Variants in ARSL observed in about 807,000 individuals in gnomAD.
ARSL encodes the protein arylsulfatase E (chondrodysplasia punctata 1).
A neutral mutation model predicts 31.1 loss-of-function variants in ARSL; 4 were observed. The observed-to-expected ratio is 0.13, with a 90% CI of 0.06 to 0.29. The LOEUF (loss-of-function observed/expected upper bound fraction) is 0.29. Ranked by LOEUF, ARSL falls within the 10% of genes least tolerant of loss-of-function variation. ARSL has a pLI of 1.00. For synonymous variants in ARSL, 198 were observed against 209.9 expected (o/e 0.94, Z 0.49); for missense variants, 312 against 497.8 (o/e 0.63, Z 3.55).
chrX:2,935,707 T>A (rs186416272), intron 10 of ARSL, among the ~76,000 whole-genome samples: 5,622 of 83,122 alleles, frequency 0.068, 482 homozygotes, highest in African/African-American at 0.2. Flanking sequence ...TTTTTTTTTT[T>A]ATTTGAGACA....
chrX:2,947,058 C>T lies in ARSL; in HGVS notation c.855-924G>A, dbSNP rs376994768. Among the ~76,000 whole-genome samples the T allele has an allele frequency of 2.0e-4, 22 of 110,444 alleles. 2 individuals are homozygous for T. In the South Asian group the frequency reaches 3.6e-3, roughly 18 times the overall value. On this transcript the variant is annotated intron_variant, in intron 6 of 10. Coordinates refer to ENST00000381134, the MANE Select transcript of ARSL (RefSeq NM_000047.3). ...AATTAGCGGGATGTGGTGACATGCA[C>T]CTGTACTCCCAACTGCTCAGGAGGG...
chrX:2,960,494 A>G (rs2089610926), intron 1 of ARSL, 74 bp from the exon 2 acceptor site: 2 of 1,032,931 alleles, frequency 1.9e-6, no homozygotes, highest in Non-Finnish European at 2.7e-6. Flanking sequence ...ACAGTAAGTA[A>G]GTAATTAGGG....
chrX:2,960,232 G>A (rs1475837540), intron 2 of ARSL, 146 bp downstream of exon 2: 7 of 257,531 alleles, frequency 2.7e-5, no homozygotes, highest in East Asian at 1.7e-4. Flanking sequence ...TCGCGCCACT[G>A]CACTCCAGCC....
intron 8 of ARSL, 129 bp downstream of exon 8, chrX:2,942,936 T>G: frequency 1.0e-6 from 1 of 963,608 alleles, no homozygotes; most frequent in Admixed American, 2.3e-5. Flanking sequence ...TTACCACTTT[T>G]GCCCTGGATA....
At position 2,959,995 on chromosome X, in the gene ARSL, C is replaced by T. The variant is rs1195231203; in HGVS notation, c.23+383G>A. On this transcript the variant is annotated intron_variant, in intron 2 of 10. Transcript: ENST00000381134. ...AAAGAAAGAAAGAAAAGAGGCCGGG[C>T]GCGGTGGCTCACGCCTGTAATCCCA... is the stretch of plus-strand genomic sequence containing the variant. 19 of 220,677 alleles carry T rather than the reference C, an allele frequency of 8.6e-5. 1 individual carries two copies. The highest frequency in any genetic ancestry group is 6.0e-4 in the South Asian group (3 of 4,978). 18.2% of individuals were successfully genotyped at this position (220,677 alleles called of 1,213,427 possible). A position where few individuals can be genotyped will look rare whatever the true frequency, so the allele number is the denominator to read the frequency against.
chrX:2,967,566 G>A (rs1247927260), upstream of ARSL, among the ~76,000 whole-genome samples: 2 of 111,412 alleles, frequency 1.8e-5, no homozygotes, highest in Non-Finnish European at 3.8e-5. Flanking sequence ...GGACAACACG[G>A]CAAGATCCTG....
rs985979645 is a variant in ARSL at position 2,942,060 on chromosome X, T to C, written c.1126+1005A>G. 1.1e-4 allele frequency among the ~76,000 whole-genome samples: 12 copies of C among 111,887 alleles called. No homozygotes were observed. In the East Asian group the frequency reaches 2.3e-3, roughly 21 times the overall value. ...AAAGCTGAAACAACCAGCGCCTGTA[T>C]ACAAAGGCCGGGATGTCACAAAAGC... On this transcript the variant is annotated intron_variant, in intron 8 of 10. Transcript: ENST00000381134.
At chrX:2,960,201 G>C (rs1479725606) in intron 2 of ARSL, among the ~76,000 whole-genome samples, 177 bp downstream of exon 2, 1 of 76,972 alleles carries the variant, frequency 1.3e-5, no homozygotes, top group Non-Finnish European at 2.7e-5. Context: ...CCCGGGAGGC[G>C]GAGCTTGCAG....
At chrX:2,960,855 G>A (rs930040773) in intron 1 of ARSL, among the ~76,000 whole-genome samples, 9 of 111,439 alleles carry the variant, frequency 8.1e-5, no homozygotes, top group Non-Finnish European at 1.7e-4. Context: ...GATTTGGAAG[G>A]GGGAAGCGGG....
chrX:2,951,614 C>CAAAAAAAAAAAAA (rs1164575386), intron 5 of ARSL, among the ~76,000 whole-genome samples: 3 of 28,894 alleles, frequency 1.0e-4, no homozygotes, highest in Non-Finnish European at 1.6e-4. Flanking sequence ...CCCATCTCTA[C>CAAAAAAAAAAAAA]AAAAAAAAAA....
rs2302079 is a variant in ARSL, at chrX:2,958,461, G to A, written c.24-26C>T. The A allele has an allele frequency of 7.9e-3, 9,570 of 1,208,607 alleles. 102 individuals carry two copies. Among genetic ancestry groups the A allele is most frequent in the African/African-American group, 0.054 (3,098 of 57,304 alleles). ...CTGTCAGAGACTGCGTCATGCTCCT[G>A]TCCATCTCATTTGCAGAACTTGTGT... On this transcript the variant is annotated intron_variant, in intron 2 of 10. Coordinates refer to ENST00000381134, the MANE Select transcript of ARSL (RefSeq NM_000047.3).
intron 2 of ARSL, among the ~76,000 whole-genome samples, chrX:2,960,174 C>A (rs2089596215): frequency 1.3e-5 from 1 of 77,215 alleles, no homozygotes; most frequent in Admixed American, 1.5e-4. Flanking sequence ...GAGGCTGAGG[C>A]AGGAGAATGG....
intron 2 of ARSL, chrX:2,959,601 A>G: frequency 3.5e-6 from 4 of 1,149,076 alleles, no homozygotes; most frequent in East Asian, 6.5e-5. Context: ...GTTGATGCCC[A>G]CCTGATTTGC....
rs568383903 is a variant in ARSL, at chrX:2,942,436, C to T, written c.1126+629G>A. On this transcript the variant is annotated intron_variant, in intron 8 of 10. Coordinates refer to ENST00000381134, the MANE Select transcript of ARSL (RefSeq NM_000047.3). The stretch of plus-strand genomic sequence containing the variant: ...CCTCCTGAGTAGCTGGGACTACAGG[C>T]GTGTGCCACCATGCCCGGCTAATTT... Among the ~76,000 whole-genome samples, 34 of 111,202 alleles carry T rather than the reference C, an allele frequency of 3.1e-4. 1 individual carries two copies. The highest frequency in any genetic ancestry group is 1.5e-3 in the Admixed American group (16 of 10,406).
intron 8 of ARSL, among the ~76,000 whole-genome samples, chrX:2,940,479 G>A (rs1242934377): frequency 9.0e-6 from 1 of 111,248 alleles, no homozygotes; most frequent in Non-Finnish European, 1.9e-5. Flanking sequence ...ACCAGCCTGG[G>A]CAACATAACA....
At chrX:2,959,945 A>C in intron 2 of ARSL, 1 of 198,122 alleles carries the variant, frequency 5.0e-6, no homozygotes, top group African/African-American at 5.0e-5. Context: ...GAGAGAGAGA[A>C]AGAAAGAAAG....
chrX:2,947,142 C>T (rs2089396533), intron 6 of ARSL, among the ~76,000 whole-genome samples: 1 of 110,601 alleles, frequency 9.0e-6, no homozygotes, highest in Admixed American at 9.7e-5. Context: ...TGAGATTGCG[C>T]CACTGCACTT....
At chrX:2,939,237 G>T (rs2089247545) in intron 8 of ARSL, among the ~76,000 whole-genome samples, 1 of 111,582 alleles carries the variant, frequency 9.0e-6, no homozygotes, top group South Asian at 3.7e-4. Flanking sequence ...TAGAGACGGA[G>T]GCAGAGACTG....
chrX:2,960,427 G>A lies in ARSL; in HGVS notation c.-20-7C>T. The A allele has an allele frequency of 8.3e-7, 1 of 1,204,883 alleles. No homozygotes were observed. The highest frequency in any genetic ancestry group is 2.2e-5 in the Admixed American group (1 of 45,734). On this transcript the variant is annotated splice_region_variant and splice_polypyrimidine_tract_variant and intron_variant, in intron 1 of 10. Coordinates refer to ENST00000381134, the MANE Select transcript of ARSL (RefSeq NM_000047.3). ...TTGTCTCTCTCTCTACTTCCTGTAAGACATAAAGATGTCCACAATCACATT... is the reference window on the plus strand; with the variant it reads ...TTGTCTCTCTCTCTACTTCCTGTAAAACATAAAGATGTCCACAATCACATT...
Sources: gnomAD v4.1 joint callset for allele counts (sites outside exome capture counted in the v4.1 genomes callset) on GRCh38, gnomAD v4.1.1 for gene constraint, MANE v1.5 for transcripts, NCBI Gene and HGNC (gene_info 2026-07-23, HGNC 2026-07-21) for gene names.